Variants in PCSK5 observed in about 807,000 individuals in gnomAD.
PCSK5 encodes proprotein convertase subtilisin/kexin type 5.
A neutral mutation model predicts 233.2 loss-of-function variants in PCSK5; 129 were observed. The observed-to-expected ratio is 0.55, with a 90% CI of 0.48 to 0.64. The LOEUF (loss-of-function observed/expected upper bound fraction) is 0.64, where lower values mean the gene tolerates loss of function less well. PCSK5 is among the 30% of genes least tolerant of loss of function. The pLI, the probability that PCSK5 is intolerant of heterozygous loss-of-function variation, is 0.00. For synonymous variants in PCSK5, 825 were observed against 879.2 expected (o/e 0.94, Z 1.09); for missense variants, 2,076 against 2,430.1 (o/e 0.85, Z 3.06).
chr9:75,931,650 G>A (rs1399535015), intron 1 of PCSK5, among the ~76,000 whole-genome samples: 2 of 152,166 alleles, frequency 1.3e-5, no homozygotes, highest in Non-Finnish European at 1.5e-5. Context: ...GTGGACAGGG[G>A]CTTATTTTCA....
At chr9:76,054,619 C>G (rs1045600479) in intron 5 of PCSK5, among the ~76,000 whole-genome samples, 1 of 152,196 alleles carries the variant, frequency 6.6e-6, no homozygotes, top group Non-Finnish European at 1.5e-5. Context: ...ACCAGTCTTA[C>G]AAATACCTGA....
chr9:76,240,683 G>C lies in PCSK5; in HGVS notation c.3141G>C (p.Leu1047Phe), dbSNP rs1482535666. Residue 1047 changes from leucine to phenylalanine, a missense_variant and splice_region_variant, in exon 24 of 38, where the codon TTG becomes TTC. This residue lies in a region of PCSK5 where 1,510 missense variants were observed against 1,538.1 expected (regional missense o/e 0.98). Coordinates refer to ENST00000674117, the MANE Select transcript of PCSK5 (RefSeq NM_001372043.1). ...AAGAAGGATGTCTGGGATGCAGCTT[G>C]GGTATGTCCTCTTCCTTTGTCACCT... ...PCEEGCLGCS[L>F]DDPGTCTSCA... is the part of the protein sequence containing the mutation. 1.9e-6 allele frequency: 3 copies of C among 1,575,922 alleles called. No homozygotes were observed. Among genetic ancestry groups the C allele is most frequent in the Non-Finnish European group, 2.6e-6 (3 of 1,158,014 alleles).
At chr9:76,303,760 C>T (rs1015037137) in intron 28 of PCSK5, among the ~76,000 whole-genome samples, 7 of 152,266 alleles carry the variant, frequency 4.6e-5, no homozygotes, top group South Asian at 4.1e-4. Context: ...GAGAGGCATG[C>T]GGAACACCTT....
chr9:76,029,936 A>ACCCT, intron 5 of PCSK5, among the ~76,000 whole-genome samples: 1 of 152,324 alleles, frequency 6.6e-6, no homozygotes, highest in Middle Eastern at 3.4e-3. Context: ...TTCAAAAGAA[A>ACCCT]ACATTCTTAT....
At chr9:76,059,097 A>G (rs999117926) in intron 5 of PCSK5, among the ~76,000 whole-genome samples, 5 of 152,262 alleles carry the variant, frequency 3.3e-5, no homozygotes, top group African/African-American at 1.2e-4. Context: ...AGTGAAATAT[A>G]GAATTGAGCA....
rs1261372972 is a variant in PCSK5, at chr9:76,323,259, A to C, written c.4310A>C (p.Tyr1437Ser). 1 of 1,611,494 alleles carries C rather than the reference A, an allele frequency of 6.2e-7. No homozygotes were observed. Among genetic ancestry groups the C allele is most frequent in the East Asian group, 2.2e-5 (1 of 44,872 alleles). The change falls in exon 32 of 38, where the codon TAT becomes TCT. Residue 1437 changes from tyrosine (Y) to serine (S), a missense_variant. Tyr to Ser is a moderately radical substitution (Grantham distance 144). Transcript: ENST00000674117. ...TTGGAGGAGTGTCCAGCAGGAACCTATTATGAAAAGGAGACTAAGGAGTGC... is the reference window on the plus strand; with the variant it reads ...TTGGAGGAGTGTCCAGCAGGAACCTCTTATGAAAAGGAGACTAAGGAGTGC... ...LCLEECPAGT[Y>S]YEKETKECRD...
At chr9:76,105,232 A>G (rs1831929110) in intron 8 of PCSK5, among the ~76,000 whole-genome samples, 3 of 152,242 alleles carry the variant, frequency 2.0e-5, no homozygotes, top group African/African-American at 7.2e-5. Context: ...ATATGGTACA[A>G]TATGGATAAA....
chr9:76,181,501 C>A lies in PCSK5; in HGVS notation c.2107C>A (p.Gln703Lys). Residue 703 changes from glutamine (Q) to lysine (K), a missense_variant, in exon 16 of 38, where the codon CAA (glutamine) becomes AAA (lysine). Coordinates refer to ENST00000674117, the MANE Select transcript of PCSK5 (RefSeq NM_001372043.1). ...CESCFGSHGD[Q>K]CMSCKYGYFL... ...GTCCTGCTTTGGGAGCCATGGTGAC[C>A]AATGCATGTCCTGCAAATATGGATA... The A allele has an allele frequency of 6.2e-7, 1 of 1,613,934 alleles. No individual in the cohort carries two copies. The highest frequency in any genetic ancestry group is 1.3e-5 in the African/African-American group (1 of 75,022).
At chr9:76,075,224 A>AAATAATAATAATAAT (rs145167571) in intron 7 of PCSK5, among the ~76,000 whole-genome samples, 55 of 150,666 alleles carry the variant, frequency 3.7e-4, no homozygotes, top group African/African-American at 1.3e-3. Context: ...CGTCTCAATA[A>AAATAATAATAATAAT]AATAATAATA....
intron 5 of PCSK5, among the ~76,000 whole-genome samples, chr9:76,050,413 C>A (rs1829581392): frequency 6.6e-6 from 1 of 152,086 alleles, no homozygotes; most frequent in Admixed American, 6.5e-5. Flanking sequence ...GTCATTATTT[C>A]TTTCATTCTC....
At chr9:76,272,548 GC>G (rs1407328836) in intron 24 of PCSK5, among the ~76,000 whole-genome samples, 3 of 151,888 alleles carry the variant, frequency 2.0e-5, no homozygotes, top group Non-Finnish European at 2.9e-5. Context: ...GCTGAGACGG[GC>G]GGATCACGAG....
At chr9:76,225,384 G>A (rs1271454294) in intron 20 of PCSK5, among the ~76,000 whole-genome samples, 1 of 152,154 alleles carries the variant, frequency 6.6e-6, no homozygotes, top group East Asian at 1.9e-4. Flanking sequence ...CGATTTTTGT[G>A]AGGTTTTCAG....
At chr9:76,179,185 A>G (rs960529422) in intron 14 of PCSK5, among the ~76,000 whole-genome samples, 2 of 152,172 alleles carry the variant, frequency 1.3e-5, no homozygotes, top group African/African-American at 4.8e-5. Flanking sequence ...CCAGGCGTTA[A>G]ATAATAATGC....
chr9:76,225,091 T>C (rs1368228878), intron 20 of PCSK5, among the ~76,000 whole-genome samples: 1 of 152,232 alleles, frequency 6.6e-6, no homozygotes, highest in Non-Finnish European at 1.5e-5. Context: ...GTAATTGTCT[T>C]TGCCTCTGGG....
chr9:76,359,763 C>T lies in PCSK5; in HGVS notation c.*841C>T, dbSNP rs1402151393. 6.6e-6 allele frequency: 1 copy of T among 151,732 alleles called. No individual in the cohort carries two copies. Among genetic ancestry groups the T allele is most frequent in the African/African-American group, 2.4e-5 (1 of 41,380 alleles). The allele number at this position is 151,732 out of a possible 1,614,324, so 9.4% of individuals were successfully genotyped here. On this transcript the variant is annotated 3_prime_UTR_variant, in exon 38 of 38. Coordinates refer to ENST00000674117, the MANE Select transcript of PCSK5 (RefSeq NM_001372043.1). ...AAGAAAAATGGCAGTGTTAACCTAA[C>T]ATAAAATGGAATAAAATGACAAACA...
At chr9:76,301,871 T>C (rs2131424499) in intron 27 of PCSK5, among the ~76,000 whole-genome samples, 1 of 152,054 alleles carries the variant, frequency 6.6e-6, no homozygotes, top group Non-Finnish European at 1.5e-5. Context: ...TTACAAGGAA[T>C]GCTAATGACA....
chr9:76,135,385 TTAA>T (rs1296697693), intron 10 of PCSK5, among the ~76,000 whole-genome samples: 2 of 152,130 alleles, frequency 1.3e-5, no homozygotes, highest in Non-Finnish European at 2.9e-5. Flanking sequence ...AATTATTTGA[TTAA>T]TATCTTCACA....
chr9:76,210,733 G>C (rs901104700), intron 20 of PCSK5, among the ~76,000 whole-genome samples: 2 of 152,198 alleles, frequency 1.3e-5, no homozygotes. Context: ...GACAGAATTG[G>C]CGTGGGGGGT....
chr9:76,308,667 T>C lies in PCSK5; in HGVS notation c.3627T>C (p.Pro1209=). The part of the protein sequence containing the change: ...IKRDILRKLQ[P]CHSSCKTCNG... ...CAGATATTTTGAGAAAACTCCAGCC[T>C]TGTCATTCTTCTTGTAAAACCTGCA... The change falls in exon 29 of 38, where the codon CCT becomes CCC. Residue 1209 remains proline (P), a synonymous_variant. Coordinates refer to ENST00000674117, the MANE Select transcript of PCSK5 (RefSeq NM_001372043.1). 1.2e-6 allele frequency: 2 copies of C among 1,607,894 alleles called. No individual in the cohort carries two copies. Among genetic ancestry groups the C allele is most frequent in the Non-Finnish European group, 1.7e-6 (2 of 1,175,404 alleles).
Sources: allele counts gnomAD v4.1 joint callset (sites outside exome capture counted in the v4.1 genomes callset), GRCh38; gene constraint gnomAD v4.1.1; regional missense constraint gnomAD v4.1.1; transcripts MANE v1.5; gene names NCBI Gene and HGNC (gene_info 2026-07-23, HGNC 2026-07-21).